The following NLGN1 variants were observed in gnomAD, a reference collection of about 807,000 sequenced individuals.
NLGN1 encodes the protein neuroligin 1, also known as neuroligin-1.
In NLGN1, 12 loss-of-function variants were observed where a neutral mutation model predicts 65.5. The observed-to-expected ratio is 0.18, with a 90% CI of 0.12 to 0.30. The LOEUF (loss-of-function observed/expected upper bound fraction) is 0.30. NLGN1 is among the 10% of genes least tolerant of loss of function. The probability of loss-of-function intolerance (pLI) is 1.00; values close to 1 mark genes in which losing one functional copy is unlikely to be tolerated. For missense variants in NLGN1, 750 were observed against 1,007.1 expected (o/e 0.74, Z 3.46); for synonymous variants, 350 against 359.5 (o/e 0.97, Z 0.30).
chr3:173,969,807 C>T (rs567753776), intron 4 of NLGN1, among the ~76,000 whole-genome samples: 3 of 151,876 alleles, frequency 2.0e-5, no homozygotes, highest in South Asian at 2.1e-4. Context: ...GGTGCCTCTG[C>T]GTAGAATCAA....
chr3:174,102,993 T>C (rs1163883525), intron 4 of NLGN1, among the ~76,000 whole-genome samples: 1 of 152,146 alleles, frequency 6.6e-6, no homozygotes, highest in Admixed American at 6.6e-5. Context: ...TGACAGACAA[T>C]TAAACCTTTT....
intron 2 of NLGN1, among the ~76,000 whole-genome samples, chr3:173,524,030 C>T (rs1349805325): frequency 1.3e-5 from 2 of 149,670 alleles, no homozygotes; most frequent in African/African-American, 2.5e-5. Flanking sequence ...ATGCCATTCT[C>T]CTGCCTTAGC....
At chr3:173,457,067 A>G (rs1349463098) in intron 2 of NLGN1, among the ~76,000 whole-genome samples, 2 of 152,108 alleles carry the variant, frequency 1.3e-5, no homozygotes, top group African/African-American at 2.4e-5. Flanking sequence ...GGAATTCATG[A>G]TAAGGGAATC....
intron 4 of NLGN1, among the ~76,000 whole-genome samples, chr3:174,094,915 G>C (rs1389843033): frequency 6.6e-6 from 1 of 152,110 alleles, no homozygotes. Context: ...AAGAGGCATA[G>C]AAAGCAAGCT....
intron 3 of NLGN1, among the ~76,000 whole-genome samples, chr3:173,704,835 A>G (rs566322720): frequency 1.0e-3 from 158 of 152,054 alleles, no homozygotes; most frequent in Non-Finnish European, 1.7e-3. Flanking sequence ...GTTACAGTAA[A>G]TCCTATTTGT....
intron 2 of NLGN1, among the ~76,000 whole-genome samples, chr3:173,541,955 C>T (rs551348927): frequency 2.6e-5 from 4 of 151,786 alleles, no homozygotes; most frequent in African/African-American, 4.8e-5. Context: ...AAGTTAAATC[C>T]CTTACTTAGG....
intron 4 of NLGN1, among the ~76,000 whole-genome samples, chr3:174,030,109 C>T (rs1434312897): frequency 6.7e-6 from 1 of 149,312 alleles, no homozygotes; most frequent in Non-Finnish European, 1.5e-5. Flanking sequence ...CTTATGACCA[C>T]TCTTTAAGTT....
chr3:174,047,056 A>T (rs1733767573), intron 4 of NLGN1, among the ~76,000 whole-genome samples: 1 of 151,952 alleles, frequency 6.6e-6, no homozygotes, highest in Admixed American at 6.6e-5. Flanking sequence ...TAGGTCAGAG[A>T]TTGTTACATT....
At chr3:173,412,311 G>C (rs1422855050) in intron 1 of NLGN1, among the ~76,000 whole-genome samples, 1 of 147,518 alleles carries the variant, frequency 6.8e-6, no homozygotes, top group Admixed American at 6.8e-5. Context: ...CTCTCACTCT[G>C]ACACACACAC....
At chr3:173,793,596 T>G (rs1267736117) in intron 3 of NLGN1, among the ~76,000 whole-genome samples, 3 of 152,178 alleles carry the variant, frequency 2.0e-5, no homozygotes, top group African/African-American at 7.2e-5. Context: ...AATACATATT[T>G]AATCAAAACT....
chr3:173,647,802 A>G (rs943311258), intron 3 of NLGN1, among the ~76,000 whole-genome samples: 5 of 152,092 alleles, frequency 3.3e-5, no homozygotes, highest in African/African-American at 4.8e-5. Flanking sequence ...AGCCAATAAC[A>G]TGAAAATATG....
intron 4 of NLGN1, among the ~76,000 whole-genome samples, chr3:174,076,722 A>AGT (rs945040076): frequency 3.7e-4 from 38 of 102,980 alleles, no homozygotes; most frequent in Non-Finnish European, 6.2e-4. Context: ...AGAGAGAGAG[A>AGT]GAGTGTGTGT....
intron 3 of NLGN1, among the ~76,000 whole-genome samples, chr3:173,627,200 CT>C (rs1210634938): frequency 6.6e-6 from 1 of 152,092 alleles, no homozygotes; most frequent in Non-Finnish European, 1.5e-5. Flanking sequence ...CTTTGACCAT[CT>C]TCCCATTCCT....
At position 173,765,576 on chromosome 3, in the gene NLGN1, G is replaced by A. The variant is rs188459346; in HGVS notation, c.494-42104G>A. The stretch of plus-strand genomic sequence containing the variant: ...CTGAGACAGTGCCTTGGGAGGTATG[G>A]CATCTTCCCCTACAGAATGTTATAC... On this transcript the variant is annotated intron_variant, in intron 3 of 6. Transcript: ENST00000457714. Among the ~76,000 whole-genome samples, 76 of 152,158 alleles carry A rather than the reference G, an allele frequency of 5.0e-4. 2 individuals carry two copies. Among genetic ancestry groups the A allele is most frequent in the Admixed American group, 4.3e-3 (65 of 15,268 alleles).
exon 3 of NLGN1, chr3:173,604,610 C>T: frequency 6.2e-7 from 1 of 1,613,380 alleles, no homozygotes; most frequent in Non-Finnish European, 8.5e-7. Context: ...TGGCACTGCC[C>T]AGATGCACGT....
At chr3:174,167,619 G>A (rs1727758481) in intron 4 of NLGN1, among the ~76,000 whole-genome samples, 1 of 139,124 alleles carries the variant, frequency 7.2e-6, no homozygotes, top group East Asian at 2.5e-4. Flanking sequence ...TAACCTAGTT[G>A]CCCTTAAGAT....
intron 4 of NLGN1, among the ~76,000 whole-genome samples, chr3:173,871,937 T>G (rs1389065468): frequency 6.6e-6 from 1 of 152,186 alleles, no homozygotes; most frequent in Non-Finnish European, 1.5e-5. Flanking sequence ...ATAGGACCTT[T>G]CAATTTCAAC....
At chr3:173,435,977 T>C (rs970977233) in intron 2 of NLGN1, among the ~76,000 whole-genome samples, 9 of 152,270 alleles carry the variant, frequency 5.9e-5, no homozygotes, top group South Asian at 2.1e-4. Context: ...ACCACTGATA[T>C]CAAACTGACT....
chr3:173,871,866 T>G (rs1731225887), intron 4 of NLGN1, among the ~76,000 whole-genome samples: 1 of 152,218 alleles, frequency 6.6e-6, no homozygotes, highest in South Asian at 2.1e-4. Flanking sequence ...GGACACTGTT[T>G]AGGATACAAA....
Sources: allele counts gnomAD v4.1 joint callset (sites outside exome capture counted in the v4.1 genomes callset), GRCh38; gene constraint gnomAD v4.1.1; transcripts MANE v1.5; gene names NCBI Gene and HGNC (gene_info 2026-07-23, HGNC 2026-07-21).